The following MTMR9 variants were observed in gnomAD, a reference collection of about 807,000 sequenced individuals.
MTMR9 encodes myotubularin-related protein 9.
MTMR9 carries 39 observed loss-of-function variants against 69.5 expected under a neutral mutation model. The ratio of observed to expected loss-of-function variants is 0.56; its 90% confidence interval spans 0.43 to 0.73. The LOEUF (loss-of-function observed/expected upper bound fraction) is 0.73. Among genes scored for constraint, MTMR9 ranks in the 30% least tolerant of loss-of-function variants. The pLI, the probability that MTMR9 is intolerant of heterozygous loss-of-function variation, is 0.00. For synonymous variants in MTMR9, 354 were observed against 240.8 expected, an observed-to-expected ratio of 1.47 and a Z score of -4.35; for missense variants, 900 against 671.2, an observed-to-expected ratio of 1.34 and a Z score of -3.77.
rs1800584815 is a variant in MTMR9, at chr8:11,319,699, G to C, written c.1347G>C (p.Lys449Asn). The C allele has an allele frequency of 6.2e-7, 1 of 1,613,734 alleles. No individual in the cohort carries two copies. Reference protein sequence around the residue: ...GNNESERCKLKLQQKTMSLWS... With the variant: ...GNNESERCKLNLQQKTMSLWS... ...CTTTCTTGATCAGATGTAAGTTGAA[G>C]CTACAGCAGAAGACGATGTCTTTGT... The change falls in exon 9 of 10, where the codon AAG becomes AAC. Residue 449 changes from lysine to asparagine, a missense_variant. Lys to Asn is a moderately conservative substitution (Grantham distance 94). Coordinates refer to ENST00000221086, the MANE Select transcript of MTMR9 (RefSeq NM_015458.4).
chr8:11,335,815 C>G, the MTMR9 span, among the ~76,000 whole-genome samples: 1 of 152,160 alleles, frequency 6.6e-6, no homozygotes, highest in Non-Finnish European at 1.5e-5. Flanking sequence ...CAAATTTCCC[C>G]TTTTATTTTC....
At chr8:11,332,071 T>G, downstream of MTMR9, 1 of 1,611,672 alleles carries the variant, frequency 6.2e-7, no homozygotes, top group Non-Finnish European at 8.5e-7. Flanking sequence ...AGCATTGCCA[T>G]CATTACAGCC....
chr8:11,288,957 G>A (rs527628238), intron 1 of MTMR9, among the ~76,000 whole-genome samples: 2 of 152,346 alleles, frequency 1.3e-5, no homozygotes, highest in African/African-American at 2.4e-5. Context: ...CAGATCACCT[G>A]AGGTCAGGAG....
intron 1 of MTMR9, among the ~76,000 whole-genome samples, chr8:11,289,768 A>G (rs1003680069): frequency 5.3e-5 from 8 of 152,202 alleles, no homozygotes; most frequent in Non-Finnish European, 7.3e-5. Context: ...GCTTCTTAAT[A>G]TGGTGACACA....
At chr8:11,331,312 C>T (rs770145583), downstream of MTMR9, 98 of 1,613,862 alleles carry the variant, frequency 6.1e-5, no homozygotes, top group African/African-American at 9.3e-5. Context: ...AACCTGCCCT[C>T]GCTGGAGCTG....
chr8:11,331,673 C>A (rs758202351), downstream of MTMR9: 20 of 1,611,972 alleles, frequency 1.2e-5, no homozygotes, highest in African/African-American at 1.1e-4. Flanking sequence ...GTGTCTACAC[C>A]ACCCTGGGCT....
At chr8:11,302,062 C>G (rs1799764044) in intron 3 of MTMR9, among the ~76,000 whole-genome samples, 1 of 151,768 alleles carries the variant, frequency 6.6e-6, no homozygotes, top group African/African-American at 2.4e-5. Context: ...AGTTTGAGAC[C>G]AGCCTAGGCA....
chr8:11,302,265 A>C (rs1585117722), intron 3 of MTMR9, among the ~76,000 whole-genome samples: 1 of 121,998 alleles, frequency 8.2e-6, no homozygotes, highest in South Asian at 3.0e-4. Flanking sequence ...AAAAAAAAAA[A>C]AAAAAAAAAG....
At chr8:11,289,658 G>A (rs1366666767) in intron 1 of MTMR9, among the ~76,000 whole-genome samples, 1 of 152,072 alleles carries the variant, frequency 6.6e-6, no homozygotes, top group African/African-American at 2.4e-5. Flanking sequence ...CACGTTAGTT[G>A]TTGCTATAAA....
rs1353577882 is a variant in MTMR9, at chr8:11,325,925, T to TA, written c.*3138dup. 1.3e-5 allele frequency: 2 copies of TA among 152,296 alleles called. No individual in the cohort carries two copies. Among genetic ancestry groups the TA allele is most frequent in the East Asian group, 3.9e-4 (2 of 5,186 alleles). 9.4% of individuals were successfully genotyped at this position (152,296 alleles called of 1,614,324 possible). A position where few individuals can be genotyped will look rare whatever the true frequency, so the allele number is the denominator to read the frequency against. ...TGAGAAGACTTGGGGGGGACAATAA[T>TA]AGACATTCATGTCAGATCCCATATG... On this transcript the variant is annotated 3_prime_UTR_variant, in exon 10 of 10. Transcript: ENST00000221086.
intron 8 of MTMR9, chr8:11,318,928 G>A (rs1181426884): frequency 6.6e-6 from 1 of 152,094 alleles, no homozygotes; most frequent in African/African-American, 2.4e-5. Context: ...GGACTTTGGG[G>A]ACTTGGGGGA....
rs375789918 is a variant in MTMR9, at chr8:11,322,637, G to T, written c.1499G>T (p.Arg500Leu). ...SLPLWEGIFL[R>L]WNRSSKYLDE... The stretch of plus-strand genomic sequence containing the variant: ...CTGGATTCAATAGGTATTTTCCTAC[G>T]TTGGAATAGATCCTCTAAGTATTTG... Residue 500 changes from arginine (R) to leucine (L), a missense_variant, in exon 10 of 10, where the codon CGT becomes CTT. Arg to Leu is a moderately radical substitution (Grantham distance 102). Coordinates refer to ENST00000221086, the MANE Select transcript of MTMR9 (RefSeq NM_015458.4). 6.2e-7 allele frequency: 1 copy of T among 1,612,832 alleles called. No individual in the cohort carries two copies. Among genetic ancestry groups the T allele is most frequent in the Admixed American group, 1.7e-5 (1 of 59,942 alleles).
intron 2 of MTMR9, chr8:11,298,630 G>T (rs1312839735): frequency 4.6e-6 from 2 of 434,152 alleles, no homozygotes; most frequent in African/African-American, 2.1e-5. Context: ...GAGCATTGCT[G>T]TTGGGCCTTC....
At chr8:11,294,303 T>C (rs1189092166) in intron 1 of MTMR9, among the ~76,000 whole-genome samples, 1 of 152,168 alleles carries the variant, frequency 6.6e-6, no homozygotes, top group Non-Finnish European at 1.5e-5. Flanking sequence ...TTTGTGTTAT[T>C]CATGATTTTA....
chr8:11,295,365 T>C (rs1264662652), intron 2 of MTMR9, 63 bp downstream of exon 2: 2 of 919,842 alleles, frequency 2.2e-6, no homozygotes, highest in Non-Finnish European at 3.5e-6. Context: ...AGTGTAGCTC[T>C]TCCATTTCTT....
At chr8:11,338,791 A>G in the MTMR9 span, among the ~76,000 whole-genome samples, 2 of 152,214 alleles carry the variant, frequency 1.3e-5, no homozygotes, top group African/African-American at 2.4e-5. Context: ...GAAGACAGGT[A>G]GTTCCTTTTA....
At chr8:11,305,298 A>G (rs977720230) in intron 4 of MTMR9, among the ~76,000 whole-genome samples, 4 of 152,244 alleles carry the variant, frequency 2.6e-5, no homozygotes, top group Non-Finnish European at 4.4e-5. Flanking sequence ...TTTGATGCTT[A>G]CAGCAACATT....
chr8:11,309,683 C>T lies in MTMR9; in HGVS notation c.966C>T (p.Ile322=), dbSNP rs770221085. 12 of 1,613,450 alleles carry T rather than the reference C, an allele frequency of 7.4e-6. 1 individual carries two copies. The highest frequency in any genetic ancestry group is 3.3e-5 in the South Asian group (3 of 91,030). ...CTGCCTGCCTAGCGGCTCAGTGCATCGACAGGTAAAGTGCATTTCAGCGTT... is the reference window on the plus strand; with the variant it reads ...CTGCCTGCCTAGCGGCTCAGTGCATTGACAGGTAAAGTGCATTTCAGCGTT... ...LTTACLAAQC[I]DREGASILIH... Residue 322 remains isoleucine (I), a synonymous_variant, in exon 6 of 10, where the codon ATC becomes ATT. Transcript: ENST00000221086.
At chr8:11,297,825 G>A (rs1048870901) in intron 2 of MTMR9, 5 of 455,346 alleles carry the variant, frequency 1.1e-5, no homozygotes, top group Non-Finnish European at 2.2e-5. Context: ...CTCAGAAAAT[G>A]AATGCTCTGT....
Sources: allele counts gnomAD v4.1 joint callset (sites outside exome capture counted in the v4.1 genomes callset), GRCh38; gene constraint gnomAD v4.1.1; transcripts MANE v1.5; gene names NCBI Gene and HGNC (gene_info 2026-07-23, HGNC 2026-07-21).